The following MED15 variants were observed in gnomAD, a reference collection of about 807,000 sequenced individuals.
The protein encoded by MED15 is mediator of RNA polymerase II transcription subunit 15.
Under a neutral mutation model 118.7 loss-of-function variants are expected in MED15, and 41 were observed. The ratio of observed to expected loss-of-function variants is 0.35; its 90% confidence interval spans 0.27 to 0.45. MED15 has a LOEUF of 0.45. MED15 is among the 20% of genes least tolerant of loss of function. The probability of loss-of-function intolerance (pLI) is 1.00; values close to 1 mark genes in which losing one functional copy is unlikely to be tolerated. For missense variants in MED15, 740 were observed against 1,025.5 expected (o/e 0.72, Z 3.80); for synonymous variants, 436 against 413.9 (o/e 1.05, Z -0.65).
In MED15 at chr22:20,585,113, G is replaced by A. The variant is rs61741073; in HGVS notation, c.1977G>A (p.Val659=). Residue 659 remains valine (V), a synonymous_variant, in exon 16 of 18, where the codon GTG becomes GTA. Transcript: ENST00000263205. ...IHGPPITAPV[V]CTRKRRLEDD... ...GCCGCCTCCCCAGGGCCCCAGTGGT[G>A]TGCACCCGGAAGCGCAGGCTTGAGG... The A allele has an allele frequency of 6.8e-3, 11,047 of 1,613,680 alleles. 574 individuals are homozygous for A. The African/African-American group carries it at 0.12, about 18-fold the overall frequency.
chr22:20,568,749 C>G (rs901008438), intron 8 of MED15, 118 bp downstream of exon 8: 11 of 1,476,954 alleles, frequency 7.4e-6, no homozygotes, highest in Non-Finnish European at 9.9e-6. Context: ...GTTGGTAAAG[C>G]AGGGGCTTCT....
At chr22:20,569,082 T>G (rs2056550452) in intron 8 of MED15, among the ~76,000 whole-genome samples, 1 of 152,164 alleles carries the variant, frequency 6.6e-6, no homozygotes, top group Admixed American at 6.5e-5. Context: ...ATCCTGGTGC[T>G]CGCCTGCACT....
chr22:20,584,530 G>A (rs1033365726), intron 14 of MED15, 105 bp downstream of exon 14: 11 of 1,346,082 alleles, frequency 8.2e-6, no homozygotes, highest in African/African-American at 5.8e-5. Flanking sequence ...GGCGGGGGCC[G>A]GGCCTGACCT....
At chr22:20,540,898 A>ACAG (rs1291224956) in intron 2 of MED15, among the ~76,000 whole-genome samples, 1 of 150,164 alleles carries the variant, frequency 6.7e-6, no homozygotes, top group African/African-American at 2.5e-5. Flanking sequence ...CAACTCAACA[A>ACAG]CAACAACAAC....
chr22:20,534,835 ACT>A (rs1265149356), intron 1 of MED15, among the ~76,000 whole-genome samples: 1 of 151,868 alleles, frequency 6.6e-6, no homozygotes, highest in Admixed American at 6.6e-5. Context: ...TGGATTGTTA[ACT>A]CTCTCATCTT....
intron 8 of MED15, among the ~76,000 whole-genome samples, chr22:20,573,230 A>G (rs1196545207): frequency 2.0e-5 from 3 of 152,202 alleles, no homozygotes; most frequent in Admixed American, 2.0e-4. Flanking sequence ...GGCCTCCCAA[A>G]GTGCTGGAAT....
chr22:20,551,578 G>A (rs2055778147), intron 3 of MED15, 91 bp downstream of exon 3: 3 of 1,240,160 alleles, frequency 2.4e-6, no homozygotes, highest in East Asian at 2.3e-5. Context: ...GGCAGGCCGT[G>A]GTGCCTGAGT....
At chr22:20,551,291 T>C (rs1319446090) in intron 2 of MED15, 145 bp from the exon 3 acceptor site, 2 of 806,442 alleles carry the variant, frequency 2.5e-6, no homozygotes, top group Non-Finnish European at 4.5e-6. Context: ...GAGAGGCGGA[T>C]TCCAGAGGAG....
At chr22:20,568,183 C>T (rs17819434) in intron 7 of MED15, among the ~76,000 whole-genome samples, 3,172 of 152,310 alleles carry the variant, frequency 0.021, 42 homozygotes, top group South Asian at 0.057. Flanking sequence ...AGGAATCAGG[C>T]TGAGTGAAGC....
chr22:20,541,382 G>T (rs1406028203), intron 2 of MED15, among the ~76,000 whole-genome samples: 1 of 152,182 alleles, frequency 6.6e-6, no homozygotes, highest in African/African-American at 2.4e-5. Context: ...GTCATTAGGG[G>T]ATTGCAAATA....
intron 2 of MED15, among the ~76,000 whole-genome samples, chr22:20,542,153 A>T (rs963986556): frequency 6.6e-6 from 1 of 152,234 alleles, no homozygotes; most frequent in Non-Finnish European, 1.5e-5. Flanking sequence ...TGTGGAAAAC[A>T]GTATGACAGT....
At position 20,583,311 on chromosome 22, in the gene MED15, G is replaced by T. The variant is rs747467689; in HGVS notation, c.1673-19G>T. On this transcript the variant is annotated intron_variant, in intron 12 of 17. Transcript: ENST00000263205. ...CACCACCAGGCTTGTGTCTTAGTGTGTACCCTCTTCTGTCCCAGACAGAAA... is the reference window on the plus strand; with the variant it reads ...CACCACCAGGCTTGTGTCTTAGTGTTTACCCTCTTCTGTCCCAGACAGAAA... 3.5e-5 allele frequency: 57 copies of T among 1,613,560 alleles called. No individual in the cohort carries two copies. Among genetic ancestry groups the T allele is most frequent in the Non-Finnish European group, 4.7e-5 (55 of 1,179,986 alleles).
At chr22:20,565,893 G>C (rs2056418886) in intron 6 of MED15, among the ~76,000 whole-genome samples, 2 of 152,140 alleles carry the variant, frequency 1.3e-5, no homozygotes, top group Non-Finnish European at 2.9e-5. Flanking sequence ...TGGTAGACCA[G>C]AGCCCAGGCA....
chr22:20,507,610 G>T lies in MED15; in HGVS notation c.-69G>T, dbSNP rs977981573. ...GCGGACGGCTTCCGGGTTTGGGCCT[G>T]GCTCTGTGACTGAGGCGGCGGCGGT... On this transcript the variant is annotated 5_prime_UTR_variant, in exon 1 of 18. Transcript: ENST00000263205. 2 of 1,597,044 alleles carry T rather than the reference G, an allele frequency of 1.3e-6. No individual in the cohort carries two copies. The highest frequency in any genetic ancestry group is 1.7e-5 in the Admixed American group (1 of 59,920).
intron 2 of MED15, among the ~76,000 whole-genome samples, chr22:20,548,357 G>A (rs1324490793): frequency 6.6e-6 from 1 of 152,070 alleles, no homozygotes; most frequent in Non-Finnish European, 1.5e-5. Context: ...TAGAGATGGA[G>A]TTTCACCATG....
At chr22:20,520,797 G>A (rs1359847201) in intron 1 of MED15, among the ~76,000 whole-genome samples, 1 of 152,072 alleles carries the variant, frequency 6.6e-6, no homozygotes, top group Non-Finnish European at 1.5e-5. Flanking sequence ...GAGTGCAGTG[G>A]TACAATCTCG....
chr22:20,568,433 G>T, intron 7 of MED15, 88 bp from the exon 8 acceptor site: 1 of 1,537,998 alleles, frequency 6.5e-7, no homozygotes, highest in African/African-American at 1.4e-5. Context: ...CTCAAGAAAG[G>T]CTCCATTTCC....
At position 20,585,140 on chromosome 22, in the gene MED15, T is replaced by C; in HGVS notation, c.2004T>C (p.Asp668=). ...GCACCCGGAAGCGCAGGCTTGAGGA[T>C]GATGAGCGGCAGAGCATCCCCAGTG... ...VVCTRKRRLE[D]DERQSIPSVL... Residue 668 remains aspartate (D), a synonymous_variant, in exon 16 of 18, where the codon GAT becomes GAC. Coordinates refer to ENST00000263205, the MANE Select transcript of MED15 (RefSeq NM_001003891.3). The C allele has an allele frequency of 6.2e-7, 1 of 1,613,680 alleles. No homozygotes were observed. Among genetic ancestry groups the C allele is most frequent in the Non-Finnish European group, 8.5e-7 (1 of 1,179,986 alleles).
At chr22:20,573,214 C>T (rs1000679141) in intron 8 of MED15, among the ~76,000 whole-genome samples, 5 of 152,180 alleles carry the variant, frequency 3.3e-5, no homozygotes, top group African/African-American at 7.2e-5. Context: ...GAGATGTGCC[C>T]GCTTTGGCCT....
Sources: gnomAD v4.1 joint callset for allele counts (sites outside exome capture counted in the v4.1 genomes callset) on GRCh38, gnomAD v4.1.1 for gene constraint, MANE v1.5 for transcripts, NCBI Gene and HGNC (gene_info 2026-07-23, HGNC 2026-07-21) for gene names.